The following USP12 variants were observed in gnomAD, a reference collection of about 807,000 sequenced individuals.
USP12 encodes ubiquitin carboxyl-terminal hydrolase 12.
In USP12, 19 loss-of-function variants were observed where a neutral mutation model predicts 45.5. The observed-to-expected ratio is 0.42, with a 90% CI of 0.29 to 0.61. The LOEUF (loss-of-function observed/expected upper bound fraction) is 0.61. USP12 is among the 20% of genes least tolerant of loss of function. USP12 has a pLI of 0.22. For synonymous variants in USP12, 149 were observed against 148.8 expected (o/e 1.00, Z -0.01); for missense variants, 242 against 447.7 (o/e 0.54, Z 4.15).
intron 1 of USP12, among the ~76,000 whole-genome samples, chr13:27,141,853 T>G (rs1877075006): frequency 6.6e-6 from 1 of 152,046 alleles, no homozygotes. Context: ...ACTGGAAAAT[T>G]CCACACCTGA....
chr13:27,099,964 C>T (rs900942565), intron 3 of USP12, among the ~76,000 whole-genome samples: 1 of 152,128 alleles, frequency 6.6e-6, no homozygotes, highest in Non-Finnish European at 1.5e-5. Flanking sequence ...GGTTTTTGTC[C>T]ACAAGAGATA....
chr13:27,134,896 C>T lies in USP12; in HGVS notation c.49-18300G>A, dbSNP rs187802109. Among the ~76,000 whole-genome samples, 364 of 152,190 alleles carry T rather than the reference C, an allele frequency of 2.4e-3. 2 individuals carry two copies. Among genetic ancestry groups the T allele is most frequent in the Admixed American group, 3.2e-3 (49 of 15,294 alleles). On this transcript the variant is annotated intron_variant, in intron 1 of 8. Transcript: ENST00000282344. ...CCATCAAAAATGAATTTTAAAGTGC[C>T]GTAAACAGACGTACACTTAAATGAA... is the stretch of plus-strand genomic sequence containing the variant.
intron 1 of USP12, among the ~76,000 whole-genome samples, chr13:27,122,921 G>A (rs1460916160): frequency 2.0e-5 from 3 of 151,420 alleles, no homozygotes; most frequent in South Asian, 2.1e-4. Flanking sequence ...GTGAAACCCC[G>A]TCTCTACTAA....
At chr13:27,080,403 C>A (rs1256773056) in intron 6 of USP12, among the ~76,000 whole-genome samples, 1 of 152,170 alleles carries the variant, frequency 6.6e-6, no homozygotes, top group African/African-American at 2.4e-5. Context: ...CTTCATCTCA[C>A]AAACAGGAAG....
At chr13:27,136,830 A>G (rs935539651) in intron 1 of USP12, among the ~76,000 whole-genome samples, 1 of 152,240 alleles carries the variant, frequency 6.6e-6, no homozygotes, top group Non-Finnish European at 1.5e-5. Context: ...AAGTAATAAA[A>G]TGATATTTGG....
At chr13:27,146,690 T>C (rs1877323614) in intron 1 of USP12, among the ~76,000 whole-genome samples, 1 of 152,212 alleles carries the variant, frequency 6.6e-6, no homozygotes, top group African/African-American at 2.4e-5. Flanking sequence ...TCCTACCTTG[T>C]TTCAGAAGGC....
At chr13:27,078,376 G>T (rs969760279) in intron 6 of USP12, among the ~76,000 whole-genome samples, 13 of 152,026 alleles carry the variant, frequency 8.6e-5, no homozygotes, top group African/African-American at 3.1e-4. Context: ...AGGGACTTGA[G>T]CAACCATGCA....
intron 4 of USP12, among the ~76,000 whole-genome samples, chr13:27,092,015 T>G (rs1214617967): frequency 6.6e-6 from 1 of 152,366 alleles, no homozygotes; most frequent in African/African-American, 2.4e-5. Context: ...TGGAACTGCC[T>G]GAACACTGCT....
Position 27,156,889 on chromosome 13 carries a change from A to G in USP12, c.48+14703T>C, listed in dbSNP as rs566618340. ...GTCTTTAGGGGGAAGAAGCATCTAC[A>G]CCTACATTAGTAACAGCATGATCCG... is the stretch of plus-strand genomic sequence containing the variant. On this transcript the variant is annotated intron_variant, in intron 1 of 8. Transcript: ENST00000282344. Among the ~76,000 whole-genome samples, 22 of 152,240 alleles carry G rather than the reference A, an allele frequency of 1.4e-4. 1 individual carries two copies. The highest frequency in any genetic ancestry group is 5.3e-4 in the African/African-American group (22 of 41,520).
At chr13:27,076,355 T>C (rs943310961) in intron 6 of USP12, among the ~76,000 whole-genome samples, 1 of 152,198 alleles carries the variant, frequency 6.6e-6, no homozygotes, top group African/African-American at 2.4e-5. Flanking sequence ...TGCCTTTAAA[T>C]GCCATTTCTC....
rs754887132 is a variant in USP12 at position 27,113,170 on chromosome 13, G to GCTGCAGTGAGCCAGGGAGGCGAAA, written c.129+3322_129+3345dup. Among the ~76,000 whole-genome samples, 36 of 152,252 alleles carry GCTGCAGTGAGCCAGGGAGGCGAAA rather than the reference G, an allele frequency of 2.4e-4. No individual in the cohort carries two copies. The East Asian group carries it at 2.9e-3, about 12-fold the overall frequency. ...GGACGGCTTGAGCCAAGAAGGTGAA[G>GCTGCAGTGAGCCAGGGAGGCGAAA]CTGCAGTGAGCCAGGGAGGCGAAAC... is the stretch of plus-strand genomic sequence containing the variant. On this transcript the variant is annotated intron_variant, in intron 2 of 8. Transcript: ENST00000282344.
chr13:27,116,648 T>A (rs1316216039), intron 1 of USP12, 52 bp from the exon 2 acceptor site: 2 of 1,553,510 alleles, frequency 1.3e-6, no homozygotes, highest in Admixed American at 3.5e-5. Flanking sequence ...ATGCACCACA[T>A]AATGACACTT....
chr13:27,069,133 T>C lies in USP12; in HGVS notation c.*150A>G, dbSNP rs543161729. 4.2e-5 allele frequency: 28 copies of C among 670,008 alleles called. No homozygotes were observed. The Middle Eastern group carries it at 2.4e-3, about 57-fold the overall frequency. 41.5% of individuals were successfully genotyped at this position (670,008 alleles called of 1,614,324 possible). ...TACCATGATCGGAAGGGCTTGTCAA[T>C]CCATCGTCTTTGCTTTATCGTGTGC... On this transcript the variant is annotated 3_prime_UTR_variant, in exon 9 of 9. Transcript: ENST00000282344.
intron 1 of USP12, among the ~76,000 whole-genome samples, chr13:27,158,371 T>C (rs1877937990): frequency 6.6e-6 from 1 of 152,252 alleles, no homozygotes; most frequent in Non-Finnish European, 1.5e-5. Context: ...ATCCTGATTC[T>C]GGACTTCTAG....
rs5802413 is a variant in USP12 at position 27,130,561 on chromosome 13, C to CA, written c.49-13966dup. 4.4e-3 allele frequency among the ~76,000 whole-genome samples: 543 copies of CA among 124,776 alleles called. 6 individuals carry two copies. The highest frequency in any genetic ancestry group is 0.015 in the African/African-American group (479 of 31,464). 81.9% of individuals were successfully genotyped at this position (124,776 alleles called of 152,430 possible). ...ACACAAAAAAAATCACAAAACATGC[C>CA]AAAAAAAAAAAAAAAGGAAAATATG... On this transcript the variant is annotated intron_variant, in intron 1 of 8. Transcript: ENST00000282344.
rs369692707 is a variant in USP12, at chr13:27,069,352, G to A, written c.1044C>T (p.Tyr348=). ...KIDAQAIEEF[Y]GLTSDISKNS... The stretch of plus-strand genomic sequence containing the variant: ...TCTTTGAGATATCTGATGTCAACCC[G>A]TAGAATTCTTCAATAGCTTGTGCAT... Residue 348 remains tyrosine (Y), a synonymous_variant, in exon 9 of 9, where the codon TAC becomes TAT. Coordinates refer to ENST00000282344, the MANE Select transcript of USP12 (RefSeq NM_182488.4). The A allele has an allele frequency of 2.6e-5, 42 of 1,613,060 alleles. No individual in the cohort carries two copies. The highest frequency in any genetic ancestry group is 1.7e-4 in the African/African-American group (13 of 74,984).
chr13:27,071,131 A>G lies in USP12; in HGVS notation c.951T>C (p.His317=), dbSNP rs1304389800. 6.2e-7 allele frequency: 1 copy of G among 1,607,804 alleles called. No individual in the cohort carries two copies. Among genetic ancestry groups the G allele is most frequent in the South Asian group, 1.1e-5 (1 of 89,076 alleles). Reference sequence around the variant, plus strand: ...CATGACTCTTAACTATTGCAATATAATGGCCTCGATTGGGACCACTAAAAC... The same window carrying G: ...CATGACTCTTAACTATTGCAATATAGTGGCCTCGATTGGGACCACTAAAAC... ...VHCGSGPNRG[H]YIAIVKSHDF... is the part of the protein sequence containing the mutation. Residue 317 remains histidine (H), a synonymous_variant, in exon 8 of 9, where the codon CAT becomes CAC. Transcript: ENST00000282344.
intron 1 of USP12, among the ~76,000 whole-genome samples, chr13:27,163,895 G>A (rs752129044): frequency 6.6e-6 from 1 of 151,986 alleles, no homozygotes; most frequent in African/African-American, 2.4e-5. Flanking sequence ...GGCTTCCCAG[G>A]GGTCAAGAGG....
chr13:27,078,165 A>G (rs560544689), intron 6 of USP12, among the ~76,000 whole-genome samples: 1 of 152,220 alleles, frequency 6.6e-6, no homozygotes, highest in East Asian at 1.9e-4. Flanking sequence ...TGGGAGTTCC[A>G]CATCCACAGA....
Sources: gnomAD v4.1 joint callset for allele counts (sites outside exome capture counted in the v4.1 genomes callset) on GRCh38, gnomAD v4.1.1 for gene constraint, MANE v1.5 for transcripts, NCBI Gene and HGNC (gene_info 2026-07-23, HGNC 2026-07-21) for gene names.